Variants in HSD3B7 observed in about 807,000 individuals in gnomAD.
The protein encoded by HSD3B7 is 3 beta-hydroxysteroid dehydrogenase type 7.
In HSD3B7, 35 loss-of-function variants were observed where a neutral mutation model predicts 34.3. That is an observed-to-expected ratio of 1.02 (90% CI 0.78 to 1.35). The LOEUF (loss-of-function observed/expected upper bound fraction) is 1.35, where lower values mean the gene tolerates loss of function less well. Among genes scored for constraint, HSD3B7 ranks in the 40% most tolerant of loss-of-function variants. The pLI is 0.00. For missense variants in HSD3B7, 426 were observed against 504.7 expected, an observed-to-expected ratio of 0.84 and a Z score of 1.49; for synonymous variants, 217 against 220.1, an observed-to-expected ratio of 0.99 and a Z score of 0.13.
rs1308270132 is a variant in HSD3B7 at position 30,985,795 on chromosome 16, T to G, written c.137T>G (p.Leu46Arg). Reference protein sequence around the residue: ...LGELRVFDQHLGPWLEELKTG... With the variant: ...LGELRVFDQHRGPWLEELKTG... Reference sequence around the variant, plus strand: ...GAGCTGCGGGTCTTTGACCAACACCTGGGTCCCTGGCTGGAGGAGCTGAAG... The same window carrying G: ...GAGCTGCGGGTCTTTGACCAACACCGGGGTCCCTGGCTGGAGGAGCTGAAG... Residue 46 changes from leucine (L) to arginine (R), a missense_variant, in exon 2 of 7, where the codon CTG (leucine) becomes CGG (arginine). Coordinates refer to ENST00000297679, the MANE Select transcript of HSD3B7 (RefSeq NM_025193.4). The G allele has an allele frequency of 6.2e-7, 1 of 1,602,980 alleles. No homozygotes were observed. The highest frequency in any genetic ancestry group is 1.7e-5 in the Admixed American group (1 of 57,988).
intron 6 of HSD3B7, chr16:30,987,271 G>C (rs1414253293): frequency 1.9e-6 from 1 of 519,054 alleles, no homozygotes; most frequent in Non-Finnish European, 3.5e-6. Context: ...GAGGAGAGGA[G>C]AGGGACAGTG....
At position 30,986,715 on chromosome 16, in the gene HSD3B7, A is replaced by G. The variant is rs1156800945; in HGVS notation, c.531+11A>G. ...GCCAACGGGAGGAAGGTGAGCCCAGAAAAAGGAGGCGCAGAGATGGGGCTC... is the reference window on the plus strand; with the variant it reads ...GCCAACGGGAGGAAGGTGAGCCCAGGAAAAGGAGGCGCAGAGATGGGGCTC... On this transcript the variant is annotated intron_variant, in intron 5 of 6. Transcript: ENST00000297679. 1 of 1,613,124 alleles carries G rather than the reference A, an allele frequency of 6.2e-7. No individual in the cohort carries two copies. The highest frequency in any genetic ancestry group is 8.5e-7 in the Non-Finnish European group (1 of 1,179,506).
chr16:30,988,482 G>A lies in HSD3B7; in HGVS notation c.*299G>A, dbSNP rs965813116. ...TGAACAGCTGGGACCACAGGTGCACGCCACCACACCTGGCTTTTTTTTGTT... is the reference window on the plus strand; with the variant it reads ...TGAACAGCTGGGACCACAGGTGCACACCACCACACCTGGCTTTTTTTTGTT... On this transcript the variant is annotated 3_prime_UTR_variant, in exon 7 of 7. Transcript: ENST00000297679. The A allele has an allele frequency of 1.1e-5, 4 of 364,582 alleles. No individual in the cohort carries two copies. Among genetic ancestry groups the A allele is most frequent in the South Asian group, 4.1e-5 (1 of 24,114 alleles). 22.6% of individuals were successfully genotyped at this position (364,582 alleles called of 1,614,324 possible).
In HSD3B7 at chr16:30,988,189, G is replaced by A. The variant is rs1430807489; in HGVS notation, c.*6G>A. ...CTACGGGTTCAGCCCAGTGACGGTG[G>A]GGCTGGGGCCTGGAGGCCCAGATAC... On this transcript the variant is annotated 3_prime_UTR_variant, in exon 7 of 7. Transcript: ENST00000297679. The A allele has an allele frequency of 4.4e-6, 7 of 1,588,544 alleles. No individual in the cohort carries two copies. Among genetic ancestry groups the A allele is most frequent in the Non-Finnish European group, 5.1e-6 (6 of 1,172,666 alleles).
rs995313834 is a variant in HSD3B7, at chr16:30,988,043, C to T, written c.970C>T (p.Leu324=). The change falls in exon 7 of 7, where the codon CTG becomes TTG. Residue 324 remains leucine, a synonymous_variant. Transcript: ENST00000297679. ...CGCACCCCTGCTGAACCCCTACACG[C>T]TGGCCGTGGCCAACACCACCTTCAC... is the stretch of plus-strand genomic sequence containing the variant. ...LYAPLLNPYT[L]AVANTTFTVS... 3.1e-6 allele frequency: 5 copies of T among 1,606,914 alleles called. No homozygotes were observed. The African/African-American group carries it at 4.0e-5, about 13-fold the overall frequency.
chr16:30,985,844 GT>G lies in HSD3B7; in HGVS notation c.166+21del. On this transcript the variant is annotated intron_variant, in intron 2 of 6. Transcript: ENST00000297679. ...AGACAGGTTCTTGTTGGGGGAGCTT[GT>G]GGTGGAGAGGGTGTGGACGCTTCCC... The G allele has an allele frequency of 6.3e-7, 1 of 1,593,922 alleles. No individual in the cohort carries two copies. Among genetic ancestry groups the G allele is most frequent in the Non-Finnish European group, 8.5e-7 (1 of 1,171,354 alleles).
Position 30,986,640 on chromosome 16 carries a change from G to C in HSD3B7, c.467G>C (p.Arg156Thr), listed in dbSNP as rs2056484110. Residue 156 changes from arginine to threonine, a missense_variant, in exon 5 of 7, where the codon AGG (arginine) becomes ACG (threonine). Arg to Thr is a moderately conservative substitution (Grantham distance 71). Transcript: ENST00000297679. The part of the protein sequence containing the change: ...NEDTPYEAVH[R>T]HPYPCSKALA... ...GACACCCCATACGAAGCAGTGCACAGGCACCCCTATCCTTGCAGCAAGGCC... is the reference window on the plus strand; with the variant it reads ...GACACCCCATACGAAGCAGTGCACACGCACCCCTATCCTTGCAGCAAGGCC... 1 of 1,614,078 alleles carries C rather than the reference G, an allele frequency of 6.2e-7. No individual in the cohort carries two copies. Among genetic ancestry groups the C allele is most frequent in the South Asian group, 1.1e-5 (1 of 91,090 alleles).
rs558872053 is a variant in HSD3B7 at position 30,986,981 on chromosome 16, G to A, written c.673G>A (p.Glu225Lys). Reference protein sequence around the residue: ...WLFRAIPASVEHGRVYVGNVA... With the variant: ...WLFRAIPASVKHGRVYVGNVA... The stretch of plus-strand genomic sequence containing the variant: ...CTTCCGGGCCATCCCGGCCTCTGTG[G>A]AGCATGGCCGGGTCTATGTGGGTGA... The change falls in exon 6 of 7, where the codon GAG (glutamate) becomes AAG (lysine). Residue 225 changes from glutamate to lysine, a missense_variant. Physicochemically the swap from Glu to Lys is moderately conservative, Grantham distance 56. Coordinates refer to ENST00000297679, the MANE Select transcript of HSD3B7 (RefSeq NM_025193.4). 3.1e-6 allele frequency: 5 copies of A among 1,612,416 alleles called. No homozygotes were observed. Among genetic ancestry groups the A allele is most frequent in the Admixed American group, 1.7e-5 (1 of 60,016 alleles).
rs1249044309 is a variant in HSD3B7, at chr16:30,988,868, C to T, written c.*685C>T. Reference sequence around the variant, plus strand: ...AGGCTCCACAGGCTTACGCTGCTCTCCTGACAGCCACACGCGACCCTCGGT... The same window carrying T: ...AGGCTCCACAGGCTTACGCTGCTCTTCTGACAGCCACACGCGACCCTCGGT... On this transcript the variant is annotated 3_prime_UTR_variant, in exon 7 of 7. Coordinates refer to ENST00000297679, the MANE Select transcript of HSD3B7 (RefSeq NM_025193.4). 5 of 152,442 alleles carry T rather than the reference C, an allele frequency of 3.3e-5. No individual in the cohort carries two copies. Among genetic ancestry groups the T allele is most frequent in the African/African-American group, 9.6e-5 (4 of 41,464 alleles). 9.4% of individuals were successfully genotyped at this position (152,442 alleles called of 1,614,324 possible). A position where few individuals can be genotyped will look rare whatever the true frequency, so the allele number is the denominator to read the frequency against.
At position 30,987,911 on chromosome 16, in the gene HSD3B7, G is replaced by A. The variant is rs199637063; in HGVS notation, c.838G>A (p.Gly280Arg). 27 of 1,613,906 alleles carry A rather than the reference G, an allele frequency of 1.7e-5. No individual in the cohort carries two copies. In the East Asian group the frequency reaches 2.0e-4, roughly 12 times the overall value. ...CAACATGGAGTTCCTGGGCCCCTGCGGACTGCGGCTGGTGGGCGCCCGCCC... is the reference window on the plus strand; with the variant it reads ...CAACATGGAGTTCCTGGGCCCCTGCAGACTGCGGCTGGTGGGCGCCCGCCC... ...DFNMEFLGPC[G>R]LRLVGARPLL... The change falls in exon 7 of 7, where the codon GGA becomes AGA. Residue 280 changes from glycine (G) to arginine (R), a missense_variant. Coordinates refer to ENST00000297679, the MANE Select transcript of HSD3B7 (RefSeq NM_025193.4).
At position 30,987,972 on chromosome 16, in the gene HSD3B7, C is replaced by T. The variant is rs1227326727; in HGVS notation, c.899C>T (p.Ala300Val). Reference sequence around the variant, plus strand: ...TACTGGCTGCTGGTGTTCCTGGCTGCCCTCAATGCCCTGCTGCAGTGGCTG... The same window carrying T: ...TACTGGCTGCTGGTGTTCCTGGCTGTCCTCAATGCCCTGCTGCAGTGGCTG... ...LPYWLLVFLAALNALLQWLLR... is the reference protein window; with the variant it reads ...LPYWLLVFLAVLNALLQWLLR... Residue 300 changes from alanine to valine, a missense_variant, in exon 7 of 7, where the codon GCC (alanine) becomes GTC (valine). Physicochemically the swap from Ala to Val is moderately conservative, Grantham distance 64. Coordinates refer to ENST00000297679, the MANE Select transcript of HSD3B7 (RefSeq NM_025193.4). The T allele has an allele frequency of 1.2e-6, 2 of 1,611,514 alleles. No individual in the cohort carries two copies. The highest frequency in any genetic ancestry group is 1.1e-5 in the South Asian group (1 of 91,088).
chr16:30,985,858 G>A (rs1324198629), intron 2 of HSD3B7, 34 bp downstream of exon 2: 1 of 1,588,140 alleles, frequency 6.3e-7, no homozygotes. Context: ...TGGAGAGGGT[G>A]TGGACGCTTC....
At chr16:30,987,523 C>T in intron 6 of HSD3B7, 1 of 587,862 alleles carries the variant, frequency 1.7e-6, no homozygotes, top group Non-Finnish European at 3.0e-6. Context: ...GTCCCCAAGC[C>T]TCTCAGGGCC....
chr16:30,988,504 T>G lies in HSD3B7; in HGVS notation c.*321T>G. 3.3e-6 allele frequency: 1 copy of G among 298,872 alleles called. No individual in the cohort carries two copies. Among genetic ancestry groups the G allele is most frequent in the Non-Finnish European group, 6.4e-6 (1 of 157,164 alleles). 18.5% of individuals were successfully genotyped at this position (298,872 alleles called of 1,614,324 possible). ...CACGCCACCACACCTGGCTTTTTTTTGTTGTTTTTAGAGACAGGGTCTCAC... is the reference window on the plus strand; with the variant it reads ...CACGCCACCACACCTGGCTTTTTTTGGTTGTTTTTAGAGACAGGGTCTCAC... On this transcript the variant is annotated 3_prime_UTR_variant, in exon 7 of 7. Transcript: ENST00000297679.
rs574482852 is a variant in HSD3B7, at chr16:30,988,360, T to C, written c.*177T>C. ...TTTCTTTTTCTTTTTTGAGACAGGG[T>C]CTTGCTCTGTCACCCAGACTGGAGT... On this transcript the variant is annotated 3_prime_UTR_variant, in exon 7 of 7. Transcript: ENST00000297679. 2.2e-5 allele frequency: 14 copies of C among 629,356 alleles called. No homozygotes were observed. The East Asian group carries it at 2.5e-4, about 11-fold the overall frequency. 39.0% of individuals were successfully genotyped at this position (629,356 alleles called of 1,614,324 possible).
At chr16:30,987,027 A>C in intron 6 of HSD3B7, 25 bp downstream of exon 6, 1 of 1,596,978 alleles carries the variant, frequency 6.3e-7, no homozygotes, top group Non-Finnish European at 8.5e-7. Context: ...AGGCAGGGGG[A>C]GGCTGAGAAT....
At position 30,986,517 on chromosome 16, in the gene HSD3B7, T is replaced by C; in HGVS notation, c.417T>C (p.Gly139=). The change falls in exon 4 of 7, where the codon GGT becomes GGC. Residue 139 remains glycine (G), a synonymous_variant. Coordinates refer to ENST00000297679, the MANE Select transcript of HSD3B7 (RefSeq NM_025193.4). ...SMEVVGPNTK[G]HPFYRGNEDT... ...AAGTTGTGGGGCCTAACACCAAAGG[T>C]CACCCCTTCTACAGGTGAGTGGCAG... The C allele has an allele frequency of 6.2e-7, 1 of 1,613,972 alleles. No homozygotes were observed. Among genetic ancestry groups the C allele is most frequent in the Non-Finnish European group, 8.5e-7 (1 of 1,179,878 alleles).
rs765732538 is a variant in HSD3B7, at chr16:30,986,659, C to G, written c.486C>G (p.Ser162Arg). Residue 162 changes from serine to arginine, a missense_variant, in exon 5 of 7, where the codon AGC becomes AGG. Physicochemically the swap from Ser to Arg is moderately radical, Grantham distance 110 (BLOSUM62 -1). Transcript: ENST00000297679. ...TGCACAGGCACCCCTATCCTTGCAG[C>G]AAGGCCCTGGCCGAGTGGCTGGTCC... ...EAVHRHPYPCSKALAEWLVLE... is the reference protein window; with the variant it reads ...EAVHRHPYPCRKALAEWLVLE... 6.8e-6 allele frequency: 11 copies of G among 1,614,082 alleles called. No individual in the cohort carries two copies. The highest frequency in any genetic ancestry group is 9.3e-6 in the Non-Finnish European group (11 of 1,180,050).
intron 2 of HSD3B7, 109 bp from the exon 3 acceptor site, chr16:30,985,940 T>C (rs1191759490): frequency 3.8e-6 from 6 of 1,575,392 alleles, no homozygotes; most frequent in South Asian, 3.5e-5. Flanking sequence ...TCCACATGGA[T>C]GGGTCGAGTG....
Sources: gnomAD v4.1 joint callset for allele counts on GRCh38, gnomAD v4.1.1 for gene constraint, MANE v1.5 for transcripts, NCBI Gene and HGNC (gene_info 2026-07-23, HGNC 2026-07-21) for gene names.